Variants in SLC6A7 observed in about 807,000 individuals in gnomAD.
SLC6A7 encodes the protein solute carrier family 6 member 7.
SLC6A7 carries 58 observed loss-of-function variants against 73.1 expected under a neutral mutation model. The observed-to-expected ratio is 0.79, with a 90% confidence interval of 0.64 to 0.99. The LOEUF is 0.99. SLC6A7 is among the 50% of genes least tolerant of loss of function. The probability of loss-of-function intolerance (pLI) is 0.00; values close to 1 mark genes in which losing one functional copy is unlikely to be tolerated. For missense variants in SLC6A7, 783 were observed against 831.4 expected, an observed-to-expected ratio of 0.94 and a Z score of 0.72; for synonymous variants, 338 against 338.7, an observed-to-expected ratio of 1.00 and a Z score of 0.02.
intron 10 of SLC6A7, 70 bp from the exon 11 acceptor site, chr5:150,204,462 G>A (rs1296079095): frequency 1.6e-6 from 2 of 1,214,436 alleles, no homozygotes; most frequent in African/African-American, 3.0e-5. Flanking sequence ...CTCACTTCTT[G>A]CCAGGAGAAG....
intron 1 of SLC6A7, 145 bp downstream of exon 1, chr5:150,190,505 G>C: frequency 1.8e-6 from 1 of 551,314 alleles, no homozygotes; most frequent in Non-Finnish European, 3.1e-6. Flanking sequence ...CTGGATAACA[G>C]GGAGGGTCAG....
chr5:150,204,441 G>T (rs1753569091), intron 10 of SLC6A7, 91 bp from the exon 11 acceptor site: 1 of 993,608 alleles, frequency 1.0e-6, no homozygotes, highest in Non-Finnish European at 1.6e-6. Context: ...TGTCAGCATG[G>T]CTGCTTCCTG....
chr5:150,199,148 T>C (rs1753235102), intron 4 of SLC6A7, 80 bp from the exon 5 acceptor site: 1 of 1,482,378 alleles, frequency 6.7e-7, no homozygotes, highest in African/African-American at 1.4e-5. Context: ...TAGAGCCTTG[T>C]GGGCTGGACA....
At chr5:150,202,114 T>A (rs1198205673) in intron 6 of SLC6A7, among the ~76,000 whole-genome samples, 1 of 152,204 alleles carries the variant, frequency 6.6e-6, no homozygotes, top group African/African-American at 2.4e-5. Flanking sequence ...ATCTTCTAGA[T>A]CCTGGGTGGG....
Position 150,205,607 on chromosome 5 carries a change from A to G in SLC6A7, c.1685A>G (p.Glu562Gly). The G allele has an allele frequency of 6.2e-7, 1 of 1,610,834 alleles. No homozygotes were observed. Among genetic ancestry groups the G allele is most frequent in the Non-Finnish European group, 8.5e-7 (1 of 1,178,518 alleles). ...AGMLVAVLRE[E>G]GSLWERLQQA... ...ATGCTGGTGGCTGTGCTTCGAGAAG[A>G]GGGCTCACTCTGGGAGGTGAGTCTG... Residue 562 changes from glutamate to glycine, a missense_variant, in exon 13 of 14, where the codon GAG becomes GGG. Physicochemically the swap from Glu to Gly is moderately conservative, Grantham distance 98. Transcript: ENST00000230671.
In SLC6A7 at chr5:150,209,947, T is replaced by A; in HGVS notation, c.*332T>A. 2.9e-6 allele frequency: 1 copy of A among 344,752 alleles called. No homozygotes were observed. Among genetic ancestry groups the A allele is most frequent in the Non-Finnish European group, 5.5e-6 (1 of 181,680 alleles). 21.4% of individuals were successfully genotyped at this position (344,752 alleles called of 1,614,324 possible). On this transcript the variant is annotated 3_prime_UTR_variant, in exon 14 of 14. Coordinates refer to ENST00000230671, the MANE Select transcript of SLC6A7 (RefSeq NM_014228.5). ...AGAGGGGACTTGAACCCACGCCTCC[T>A]GACCAGCCAGCTCCCTTTCCCATGG...
At chr5:150,202,160 T>C (rs572908339) in intron 6 of SLC6A7, among the ~76,000 whole-genome samples, 187 bp from the exon 7 acceptor site, 1 of 152,306 alleles carries the variant, frequency 6.6e-6, no homozygotes, top group East Asian at 1.9e-4. Flanking sequence ...GACTTGCCCA[T>C]GTCCCACCGT....
In SLC6A7 at chr5:150,190,349, C is replaced by T; in HGVS notation, c.22C>T (p.His8Tyr). Reference sequence around the variant, plus strand: ...CAAGATGAAGAAGCTCCAGGGAGCTCACCTCCGCAAGGTAGGGCACGAGGG... The same window carrying T: ...CAAGATGAAGAAGCTCCAGGGAGCTTACCTCCGCAAGGTAGGGCACGAGGG... Reference protein sequence around the residue: MKKLQGAHLRKPVTPDLL... With the variant: MKKLQGAYLRKPVTPDLL... The change falls in exon 1 of 14, where the codon CAC (histidine) becomes TAC (tyrosine). Residue 8 changes from histidine to tyrosine, a missense_variant. By Grantham distance (83) the His-to-Tyr change is moderately conservative (BLOSUM62 2). Transcript: ENST00000230671. 1.3e-6 allele frequency: 2 copies of T among 1,506,392 alleles called. No individual in the cohort carries two copies. Among genetic ancestry groups the T allele is most frequent in the Non-Finnish European group, 1.8e-6 (2 of 1,128,808 alleles). 93.3% of individuals were successfully genotyped at this position (1,506,392 alleles called of 1,614,324 possible). A position where few individuals can be genotyped will look rare whatever the true frequency, so the allele number is the denominator to read the frequency against.
chr5:150,201,415 C>T (rs1405496215), intron 6 of SLC6A7, among the ~76,000 whole-genome samples, 192 bp downstream of exon 6: 1 of 152,090 alleles, frequency 6.6e-6, no homozygotes, highest in Non-Finnish European at 1.5e-5. Flanking sequence ...TCATGTACAA[C>T]ATGATGTTTT....
chr5:150,202,340 G>A lies in SLC6A7; in HGVS notation c.859-7G>A, dbSNP rs374394699. Reference sequence around the variant, plus strand: ...CACACCCTCCCTTTCCATCCTTCCCGGCACAGGTGTGGATTGAAGCTGCTC... The same window carrying A: ...CACACCCTCCCTTTCCATCCTTCCCAGCACAGGTGTGGATTGAAGCTGCTC... On this transcript the variant is annotated splice_polypyrimidine_tract_variant and splice_region_variant and intron_variant, in intron 6 of 13. Coordinates refer to ENST00000230671, the MANE Select transcript of SLC6A7 (RefSeq NM_014228.5). 182 of 1,603,864 alleles carry A rather than the reference G, an allele frequency of 1.1e-4. 1 individual carries two copies. The highest frequency in any genetic ancestry group is 2.4e-4 in the South Asian group (22 of 90,852).
intron 4 of SLC6A7, among the ~76,000 whole-genome samples, chr5:150,198,811 G>GGTGTGTGTGTGTGTTTGTGTGTGT (rs1554115776): frequency 4.5e-5 from 5 of 112,026 alleles, no homozygotes; most frequent in African/African-American, 1.3e-4. Context: ...GGCCCTGGAT[G>GGTGTGTGTGTGTGTTTGTGTGTGT]GTGTGTGTGT....
intron 1 of SLC6A7, 113 bp downstream of exon 1, chr5:150,190,473 C>T: frequency 1.4e-6 from 1 of 695,810 alleles, no homozygotes. Flanking sequence ...CAGCTTCGGG[C>T]TCTGGGGAAG....
In SLC6A7 at chr5:150,202,659, T is replaced by C; in HGVS notation, c.1043T>C (p.Met348Thr). Residue 348 changes from methionine (M) to threonine (T), a missense_variant, in exon 8 of 14, where the codon ATG becomes ACG. Met to Thr is a moderately conservative substitution (Grantham distance 81). Transcript: ENST00000230671. ...GCCATCTTCTCCGTGCTGGGCTACA[T>C]GTCTCAGGAGCTGGGCGTGCCTGTG... is the stretch of plus-strand genomic sequence containing the variant. ...GFAIFSVLGY[M>T]SQELGVPVDQ... The C allele has an allele frequency of 1.9e-6, 3 of 1,614,230 alleles. No homozygotes were observed. Among genetic ancestry groups the C allele is most frequent in the Non-Finnish European group, 2.5e-6 (3 of 1,180,034 alleles).
intron 6 of SLC6A7, 77 bp from the exon 7 acceptor site, chr5:150,202,270 C>T (rs1030955412): frequency 3.8e-5 from 39 of 1,013,532 alleles, no homozygotes; most frequent in Non-Finnish European, 5.6e-5. Context: ...GGAGCTGTCA[C>T]ACCATCTTCA....
At chr5:150,194,157 C>T (rs1180981221) in intron 1 of SLC6A7, among the ~76,000 whole-genome samples, 2 of 152,186 alleles carry the variant, frequency 1.3e-5, no homozygotes, top group Admixed American at 6.5e-5. Flanking sequence ...CAGCCGGCCA[C>T]GGTGGCTCAT....
intron 4 of SLC6A7, among the ~76,000 whole-genome samples, chr5:150,197,972 T>A (rs1165987719): frequency 1.3e-5 from 2 of 151,654 alleles, no homozygotes; most frequent in African/African-American, 4.9e-5. Context: ...GTTGCACTCA[T>A]CAGCCTATCC....
At chr5:150,198,103 G>GA (rs766407282) in intron 4 of SLC6A7, among the ~76,000 whole-genome samples, 2 of 106,196 alleles carry the variant, frequency 1.9e-5, no homozygotes, top group African/African-American at 6.9e-5. Context: ...AAGAAAGAAA[G>GA]AAAGAAAGAA....
At position 150,199,833 on chromosome 5, in the gene SLC6A7, C is replaced by T. The variant is rs149153920; in HGVS notation, c.723+467C>T. On this transcript the variant is annotated intron_variant, in intron 5 of 13. Coordinates refer to ENST00000230671, the MANE Select transcript of SLC6A7 (RefSeq NM_014228.5). ...TTCTCTGGGTCTGTCAGTAGTGCTT[C>T]CTTCCAGGATGGCTTCCTTCTGAGG... is the stretch of plus-strand genomic sequence containing the variant. Among the ~76,000 whole-genome samples, 10 of 152,290 alleles carry T rather than the reference C, an allele frequency of 6.6e-5. No homozygotes were observed. The East Asian group carries it at 1.9e-3, about 29-fold the overall frequency.
At chr5:150,204,416 C>T (rs1753567793) in intron 10 of SLC6A7, 116 bp from the exon 11 acceptor site, 2 of 821,972 alleles carry the variant, frequency 2.4e-6, no homozygotes. Context: ...CAGTGGTCAC[C>T]CTGTCATCTT....
Sources: allele counts gnomAD v4.1 joint callset (sites outside exome capture counted in the v4.1 genomes callset), GRCh38; gene constraint gnomAD v4.1.1; transcripts MANE v1.5; gene names NCBI Gene and HGNC (gene_info 2026-07-23, HGNC 2026-07-21).